The following ANO7 variants were observed in gnomAD, a reference collection of about 807,000 sequenced individuals.
The protein encoded by ANO7 is anoctamin 7.
ANO7 carries 114 observed loss-of-function variants against 115.8 expected under a neutral mutation model. The ratio of observed to expected loss-of-function variants is 0.98; its 90% confidence interval spans 0.85 to 1.15. The LOEUF (loss-of-function observed/expected upper bound fraction) is 1.15. ANO7 is among the 50% of genes most tolerant of loss of function. The pLI is 0.00. For synonymous variants in ANO7, 550 were observed against 498.2 expected (o/e 1.10, Z -1.38); for missense variants, 1,302 against 1,201.2 (o/e 1.08, Z -1.24).
chr2:241,209,073 C>T (rs75652669), intron 11 of ANO7, among the ~76,000 whole-genome samples: 1,609 of 152,300 alleles, frequency 0.011, 25 homozygotes, highest in African/African-American at 0.037. Flanking sequence ...GGCGTGAACC[C>T]GGGAGGCGAA....
rs1559449849 is a variant in ANO7 at position 241,209,632 on chromosome 2, G to A, written c.1356G>A (p.Val452=). 1 of 1,550,170 alleles carries A rather than the reference G, an allele frequency of 6.5e-7. No homozygotes were observed. The highest frequency in any genetic ancestry group is 8.7e-7 in the Non-Finnish European group (1 of 1,150,282). ...TGGCCGGCTCTGTGGTGATCGTGGT[G>A]ATGGTATGCGGTCCCCCTGCCCTCC... The part of the protein sequence containing the change: ...RMLAGSVVIV[V]MVAVVVMCLV... The change falls in exon 13 of 25, where the codon GTG becomes GTA. Residue 452 remains valine (V), a synonymous_variant. Coordinates refer to ENST00000674324, the MANE Select transcript of ANO7 (RefSeq NM_001370694.2).
chr2:241,191,087 G>T, intron 2 of ANO7, 107 bp from the exon 3 acceptor site: 1 of 1,245,882 alleles, frequency 8.0e-7, no homozygotes, highest in Admixed American at 1.7e-5. Flanking sequence ...GGGGCAGGGC[G>T]GGGACGGGTT....
chr2:241,239,407 A>C, the ANO7 span, among the ~76,000 whole-genome samples: 5 of 151,600 alleles, frequency 3.3e-5, no homozygotes, highest in Non-Finnish European at 7.4e-5. The surrounding 1 kb of genome is among the most constrained non-coding windows in gnomAD (Gnocchi z 4.6). Flanking sequence ...TCGCAGGCAG[A>C]ATTCTCACCA....
rs139633819 is a variant in ANO7, at chr2:241,212,479, GTGCAGCAGCTC to G, written c.1674-89_1674-79del. 4,276 of 1,369,452 alleles carry G rather than the reference GTGCAGCAGCTC, an allele frequency of 3.1e-3. 112 individuals are homozygous for G. In the African/African-American group the frequency reaches 0.054, roughly 17 times the overall value. 84.8% of individuals were successfully genotyped at this position (1,369,452 alleles called of 1,614,324 possible). On this transcript the variant is annotated intron_variant, in intron 16 of 24. Coordinates refer to ENST00000674324, the MANE Select transcript of ANO7 (RefSeq NM_001370694.2). ...ACAGTTCGTGCTTCCTCCAGGGCAG[GTGCAGCAGCTC>G]TGCTGAGGCCTCCAGAGCCCAGGGA...
At chr2:241,209,786 G>A in intron 13 of ANO7, 151 bp downstream of exon 13, 1 of 1,213,448 alleles carries the variant, frequency 8.2e-7, no homozygotes, top group Non-Finnish European at 1.1e-6. Flanking sequence ...ATGTGCCCGG[G>A]CTCGGCCGTG....
intron 15 of ANO7, among the ~76,000 whole-genome samples, 156 bp from the exon 16 acceptor site, chr2:241,211,938 C>T (rs910800340): frequency 5.9e-5 from 9 of 152,196 alleles, no homozygotes; most frequent in African/African-American, 1.9e-4. Flanking sequence ...TTTTGGGTGA[C>T]TTCGGAAATG....
chr2:241,239,980 T>C, the ANO7 span: 1 of 1,614,246 alleles, frequency 6.2e-7, no homozygotes, highest in Non-Finnish European at 8.5e-7. This position sits in a 1 kb window ranked among gnomAD's most constrained non-coding sequence, Gnocchi z 4.6. Flanking sequence ...GATCAGGTCC[T>C]GGTCCTTGTC....
chr2:241,192,557 G>A (rs1198418493), intron 3 of ANO7, among the ~76,000 whole-genome samples: 1 of 152,134 alleles, frequency 6.6e-6, no homozygotes, highest in Non-Finnish European at 1.5e-5. Flanking sequence ...TAGCCATCAC[G>A]TGTCTTTAAT....
At position 241,212,642 on chromosome 2, in the gene ANO7, G is replaced by T. The variant is rs1351292434; in HGVS notation, c.1728+16G>T. On this transcript the variant is annotated intron_variant, in intron 17 of 24. Coordinates refer to ENST00000674324, the MANE Select transcript of ANO7 (RefSeq NM_001370694.2). ...CAATGAGGAGGTGAGTGTGCCTGAGGCCCGGGACTGGGGGATGAGCTGTGT... is the reference window on the plus strand; with the variant it reads ...CAATGAGGAGGTGAGTGTGCCTGAGTCCCGGGACTGGGGGATGAGCTGTGT... 6.2e-7 allele frequency: 1 copy of T among 1,608,452 alleles called. No individual in the cohort carries two copies. Among genetic ancestry groups the T allele is most frequent in the South Asian group, 1.1e-5 (1 of 89,920 alleles).
chr2:241,216,803 G>C (rs1344877001), intron 19 of ANO7, among the ~76,000 whole-genome samples: 1 of 149,796 alleles, frequency 6.7e-6, no homozygotes, highest in African/African-American at 2.5e-5. Flanking sequence ...TGACAAAAGG[G>C]AGAAGGAATC....
intron 4 of ANO7, among the ~76,000 whole-genome samples, chr2:241,198,785 C>T (rs528493081): frequency 7.9e-5 from 12 of 152,366 alleles, no homozygotes; most frequent in African/African-American, 2.4e-4. Context: ...CAACCCACCC[C>T]GGGCTCCAGG....
intron 7 of ANO7, among the ~76,000 whole-genome samples, chr2:241,201,946 G>A (rs963175765): frequency 5.9e-5 from 9 of 152,356 alleles, no homozygotes; most frequent in South Asian, 4.1e-4. Flanking sequence ...CCCACATGCC[G>A]TGTGGCTCTG....
chr2:241,208,287 C>T (rs910550486), intron 11 of ANO7, among the ~76,000 whole-genome samples: 4 of 152,226 alleles, frequency 2.6e-5, no homozygotes, highest in Admixed American at 2.0e-4. Context: ...CTCACAGGCC[C>T]GGGGCCAGAG....
chr2:241,236,284 G>GA, the ANO7 span: 5 of 345,614 alleles, frequency 1.4e-5, no homozygotes, highest in South Asian at 2.0e-4. Context: ...CACGCGGGGG[G>GA]AGACGTTGCA....
chr2:241,234,046 G>A, the ANO7 span: 1 of 1,480,270 alleles, frequency 6.8e-7, no homozygotes, highest in Non-Finnish European at 9.4e-7. Context: ...CTGGTCATAG[G>A]ACACTGGAGA....
intron 11 of ANO7, among the ~76,000 whole-genome samples, 194 bp from the exon 12 acceptor site, chr2:241,209,091 G>A (rs1023415360): frequency 3.9e-5 from 6 of 152,250 alleles, no homozygotes; most frequent in Non-Finnish European, 7.3e-5. Flanking sequence ...GAAGCGTGCA[G>A]TGAGCCGAGA....
chr2:241,236,984 G>A, the ANO7 span, among the ~76,000 whole-genome samples: 3 of 148,220 alleles, frequency 2.0e-5, no homozygotes, highest in African/African-American at 5.0e-5. Context: ...CCTTGGGGGG[G>A]GGGGGGGGGG....
chr2:241,204,843 A>G, intron 9 of ANO7, 22 bp from the exon 10 acceptor site: 1 of 1,604,688 alleles, frequency 6.2e-7, no homozygotes, highest in African/African-American at 1.3e-5. Context: ...CTGATGGTGG[A>G]CCCCTGCCAT....
At chr2:241,239,749 C>T in the ANO7 span, 16 of 1,614,222 alleles carry the variant, frequency 9.9e-6, no homozygotes, top group Non-Finnish European at 1.4e-5. The surrounding 1 kb of genome is among the most constrained non-coding windows in gnomAD (Gnocchi z 4.6). Flanking sequence ...CCCGCAAGAC[C>T]TGGCCTCTGC....
Sources: allele counts gnomAD v4.1 joint callset (sites outside exome capture counted in the v4.1 genomes callset), GRCh38; gene constraint gnomAD v4.1.1; non-coding constraint Gnocchi (gnomAD v3.1); transcripts MANE v1.5; gene names NCBI Gene and HGNC (gene_info 2026-07-23, HGNC 2026-07-21).